The following NBR1 variants were observed in gnomAD, a reference collection of about 807,000 sequenced individuals.
NBR1 encodes the protein NBR1 autophagy cargo receptor.
A neutral mutation model predicts 115.5 loss-of-function variants in NBR1; 59 were observed. The observed-to-expected ratio is 0.51, with a 90% CI of 0.41 to 0.63. The LOEUF (loss-of-function observed/expected upper bound fraction) is 0.63, where lower values mean the gene tolerates loss of function less well. NBR1 is among the 30% of genes least tolerant of loss of function. NBR1 has a pLI of 0.00. For missense variants in NBR1, 1,043 were observed against 1,150.5 expected, an observed-to-expected ratio of 0.91 and a Z score of 1.35; for synonymous variants, 373 against 414.7, an observed-to-expected ratio of 0.90 and a Z score of 1.22.
chr17:43,183,548 G>C (rs2056727486), intron 5 of NBR1, among the ~76,000 whole-genome samples: 1 of 151,900 alleles, frequency 6.6e-6, no homozygotes, highest in Non-Finnish European at 1.5e-5. Flanking sequence ...ATAGAGGCTG[G>C]AGCACAGTGG....
Position 43,193,484 on chromosome 17 carries a change from C to G in NBR1, c.1370C>G (p.Ser457Cys). 1.2e-6 allele frequency: 2 copies of G among 1,613,870 alleles called. No individual in the cohort carries two copies. The highest frequency in any genetic ancestry group is 1.1e-5 in the South Asian group (1 of 91,048). Residue 457 changes from serine to cysteine, a missense_variant, in exon 12 of 21, where the codon TCC becomes TGC. Physicochemically the swap from Ser to Cys is moderately radical, Grantham distance 112. Coordinates refer to ENST00000590996, the MANE Select transcript of NBR1 (RefSeq NM_005899.5). ...IAPALEGTYT[S>C]HWRLSHKGQQ... The stretch of plus-strand genomic sequence containing the variant: ...CCAGCCTTGGAGGGAACGTATACTT[C>G]CCATTGGCGTCTTTCTCACAAAGGC...
At position 43,193,350 on chromosome 17, in the gene NBR1, C is replaced by T. The variant is rs201065541; in HGVS notation, c.1236C>T (p.Leu412=). The stretch of plus-strand genomic sequence containing the variant: ...TCTCTTCTTACTGTTCTTTTCAGCT[C>T]AAGTTCATGTGGGGAAACCTGACTT... ...GNVKWSADTK[L]KFMWGNLTLA... Residue 412 remains leucine, a splice_region_variant and synonymous_variant, in exon 12 of 21, where the codon CTC becomes CTT. Coordinates refer to ENST00000590996, the MANE Select transcript of NBR1 (RefSeq NM_005899.5). The T allele has an allele frequency of 3.5e-5, 56 of 1,613,368 alleles. No homozygotes were observed. The highest frequency in any genetic ancestry group is 4.5e-5 in the Non-Finnish European group (53 of 1,179,508).
chr17:43,204,262 G>A (rs964631450), intron 20 of NBR1, among the ~76,000 whole-genome samples: 1 of 151,826 alleles, frequency 6.6e-6, no homozygotes, highest in Non-Finnish European at 1.5e-5. Context: ...CTAACTATAT[G>A]ACTTTAGCCA....
rs2056495561 is a variant in NBR1 at position 43,175,666 on chromosome 17, G to C, written c.-9-125G>C. On this transcript the variant is annotated intron_variant, in intron 1 of 20. Transcript: ENST00000590996. ...AGGGACAGTGTTTCTTTTGTTCATT[G>C]CTGTCTCCCAAGCCCAGCCCATATT... 1.3e-5 allele frequency: 4 copies of C among 308,968 alleles called. No homozygotes were observed. In the African/African-American group the frequency reaches 3.7e-4, roughly 29 times the overall value. 19.1% of individuals were successfully genotyped at this position (308,968 alleles called of 1,614,324 possible).
chr17:43,172,836 AT>A (rs1476407107), intron 1 of NBR1, among the ~76,000 whole-genome samples: 3 of 152,068 alleles, frequency 2.0e-5, no homozygotes, highest in Non-Finnish European at 4.4e-5. Context: ...TTATTTATTT[AT>A]TTATTTGAGA....
Position 43,210,242 on chromosome 17 carries a change from A to G in NBR1, c.*168A>G. The G allele has an allele frequency of 2.0e-6, 1 of 506,372 alleles. No individual in the cohort carries two copies. Among genetic ancestry groups the G allele is most frequent in the South Asian group, 7.9e-5 (1 of 12,646 alleles). 31.4% of individuals were successfully genotyped at this position (506,372 alleles called of 1,614,324 possible). A position where few individuals can be genotyped will look rare whatever the true frequency, so the allele number is the denominator to read the frequency against. ...GCTACAGTATTTTGGGGAGCAAACTAAAGACCAGAACTTAAATTTTCACTT... is the reference window on the plus strand; with the variant it reads ...GCTACAGTATTTTGGGGAGCAAACTGAAGACCAGAACTTAAATTTTCACTT... On this transcript the variant is annotated 3_prime_UTR_variant, in exon 21 of 21. Transcript: ENST00000590996.
rs766247632 is a variant in NBR1 at position 43,209,901 on chromosome 17, C to G, written c.2728C>G (p.Pro910Ala). 6.5e-7 allele frequency: 1 copy of G among 1,527,936 alleles called. No individual in the cohort carries two copies. Among genetic ancestry groups the G allele is most frequent in the Non-Finnish European group, 8.8e-7 (1 of 1,138,426 alleles). The allele number at this position is 1,527,936 out of a possible 1,614,324, so 94.6% of individuals were successfully genotyped here. ...TTTTGCTTTGCTTGTCTCTACACAG[C>G]CAATAATTTCTGAAGATCAGACAGC... ...LFAGPPVTAQ[P>A]IISEDQTAAL... The change falls in exon 21 of 21, where the codon CCA (proline) becomes GCA (alanine). Residue 910 changes from proline (P) to alanine (A), a missense_variant and splice_region_variant. Coordinates refer to ENST00000590996, the MANE Select transcript of NBR1 (RefSeq NM_005899.5).
chr17:43,180,520 A>G (rs1938904127), intron 4 of NBR1, among the ~76,000 whole-genome samples: 1 of 152,194 alleles, frequency 6.6e-6, no homozygotes, highest in African/African-American at 2.4e-5. Context: ...CTATCATCTC[A>G]TTATAGTGGC....
chr17:43,201,817 C>T (rs773102946), intron 18 of NBR1, 37 bp downstream of exon 18: 2 of 1,202,338 alleles, frequency 1.7e-6, no homozygotes, highest in Non-Finnish European at 2.5e-6. Flanking sequence ...TTTTTCTCTG[C>T]TCCTGTCTAA....
rs1372538048 is a variant in NBR1 at position 43,189,882 on chromosome 17, G to A, written c.695+80G>A. On this transcript the variant is annotated intron_variant, in intron 8 of 20. Coordinates refer to ENST00000590996, the MANE Select transcript of NBR1 (RefSeq NM_005899.5). ...CCCTGGCTTTCTGTGTAGGTAAAGG[G>A]AAATTAATTGTACCCTGTTTCTGAG... is the stretch of plus-strand genomic sequence containing the variant. The A allele has an allele frequency of 4.2e-6, 5 of 1,193,294 alleles. No individual in the cohort carries two copies. In the Admixed American group the frequency reaches 8.9e-5, roughly 21 times the overall value. 73.9% of individuals were successfully genotyped at this position (1,193,294 alleles called of 1,614,324 possible).
chr17:43,209,631 C>G, intron 20 of NBR1: 1 of 1,535,512 alleles, frequency 6.5e-7, no homozygotes, highest in Admixed American at 2.0e-5. Flanking sequence ...GTGAAGCATT[C>G]TCCTGGTTCT....
Position 43,190,792 on chromosome 17 carries a change from T to C in NBR1, c.863+16T>C. The C allele has an allele frequency of 6.4e-7, 1 of 1,567,010 alleles. No homozygotes were observed. Among genetic ancestry groups the C allele is most frequent in the Non-Finnish European group, 8.7e-7 (1 of 1,155,864 alleles). ...AACAAGTCAGGTAAAACCCTCTACA[T>C]GGAGATGCTTATTCTCTGATTGACT... On this transcript the variant is annotated intron_variant, in intron 9 of 20. Coordinates refer to ENST00000590996, the MANE Select transcript of NBR1 (RefSeq NM_005899.5).
intron 8 of NBR1, chr17:43,190,093 CTTTTT>C (rs34682023): frequency 1.0e-3 from 218 of 214,112 alleles, no homozygotes; most frequent in East Asian, 1.9e-3. Flanking sequence ...TTCCAAATGC[CTTTTT>C]TTTTTTTTTT....
intron 13 of NBR1, 142 bp downstream of exon 13, chr17:43,194,641 A>G (rs1336799744): frequency 2.1e-6 from 2 of 936,582 alleles, no homozygotes; most frequent in Non-Finnish European, 3.3e-6. Context: ...GAAGGAGATC[A>G]CCCATGGAAG....
Position 43,191,530 on chromosome 17 carries a change from C to G in NBR1, c.1022C>G (p.Pro341Arg). 1 of 1,613,362 alleles carries G rather than the reference C, an allele frequency of 6.2e-7. No homozygotes were observed. The highest frequency in any genetic ancestry group is 1.6e-4 in the Middle Eastern group (1 of 6,062). The change falls in exon 10 of 21, where the codon CCC becomes CGC. Residue 341 changes from proline to arginine, a missense_variant. By Grantham distance (103) the Pro-to-Arg change is moderately radical. Coordinates refer to ENST00000590996, the MANE Select transcript of NBR1 (RefSeq NM_005899.5). The stretch of plus-strand genomic sequence containing the variant: ...AATTCAATCCATGGACTCCAGAGCC[C>G]CAAGTCTCCTTTAGGCCGACCTGAG... ...LWNSIHGLQS[P>R]KSPLGRPESL...
At position 43,178,628 on chromosome 17, in the gene NBR1, C is replaced by T. The variant is rs963801443; in HGVS notation, c.165+630C>T. Among the ~76,000 whole-genome samples, 9 of 152,138 alleles carry T rather than the reference C, an allele frequency of 5.9e-5. No individual in the cohort carries two copies. The South Asian group carries it at 1.2e-3, about 21-fold the overall frequency. ...CTGGGCTCAAGCGATCAGCCCACCTCGGACTCCCAAAGTGCTGGGATTACA... is the reference window on the plus strand; with the variant it reads ...CTGGGCTCAAGCGATCAGCCCACCTTGGACTCCCAAAGTGCTGGGATTACA... On this transcript the variant is annotated intron_variant, in intron 3 of 20. Coordinates refer to ENST00000590996, the MANE Select transcript of NBR1 (RefSeq NM_005899.5).
intron 11 of NBR1, 30 bp downstream of exon 11, chr17:43,193,283 G>A: frequency 6.2e-7 from 1 of 1,613,496 alleles, no homozygotes; most frequent in Non-Finnish European, 8.5e-7. Context: ...GCAAAGATGA[G>A]GTGATTTGAA....
rs1381534014 is a variant in NBR1, at chr17:43,200,409, C to G, written c.2269C>G (p.Gln757Glu). The G allele has an allele frequency of 1.9e-6, 3 of 1,605,358 alleles. No individual in the cohort carries two copies. The highest frequency in any genetic ancestry group is 1.7e-5 in the Admixed American group (1 of 58,144). ...GDSMYSSALSQPGLERGAEGK... is the reference protein window; with the variant it reads ...GDSMYSSALSEPGLERGAEGK... Reference sequence around the variant, plus strand: ...TTCTATGTACAGCTCTGCGCTCTCACAGCCAGGCCTGGAGCGAGGTGCTGA... The same window carrying G: ...TTCTATGTACAGCTCTGCGCTCTCAGAGCCAGGCCTGGAGCGAGGTGCTGA... The change falls in exon 17 of 21, where the codon CAG (glutamine) becomes GAG (glutamate). Residue 757 changes from glutamine to glutamate, a missense_variant. Coordinates refer to ENST00000590996, the MANE Select transcript of NBR1 (RefSeq NM_005899.5).
chr17:43,174,394 G>A (rs550081059), intron 1 of NBR1, among the ~76,000 whole-genome samples: 9 of 152,188 alleles, frequency 5.9e-5, no homozygotes, highest in African/African-American at 2.2e-4. Flanking sequence ...TCAGGAGATC[G>A]AGACCATCCT....
Sources: gnomAD v4.1 joint callset for allele counts (sites outside exome capture counted in the v4.1 genomes callset) on GRCh38, gnomAD v4.1.1 for gene constraint, MANE v1.5 for transcripts, NCBI Gene and HGNC (gene_info 2026-07-23, HGNC 2026-07-21) for gene names.